Variants in TUT1 observed in about 807,000 individuals in gnomAD.
The protein encoded by TUT1 is speckle targeted PIP5K1A-regulated poly(A) polymerase.
Under a neutral mutation model 48.8 loss-of-function variants are expected in TUT1, and 26 were observed. That is an observed-to-expected ratio of 0.53 (90% CI 0.39 to 0.74). TUT1 has a LOEUF of 0.74. Ranked by LOEUF, TUT1 falls within the 30% of genes least tolerant of loss-of-function variation. The pLI is 0.00. For missense variants in TUT1, 1,065 were observed against 1,114.8 expected, an observed-to-expected ratio of 0.96 and a Z score of 0.64; for synonymous variants, 470 against 460.8, an observed-to-expected ratio of 1.02 and a Z score of -0.26.
In TUT1 at chr11:62,576,049, C is replaced by G. The variant is rs1302745310; in HGVS notation, c.1670G>C (p.Ser557Thr). Residue 557 changes from serine to threonine, a missense_variant, in exon 9 of 9, where the codon AGC (serine) becomes ACC (threonine). Coordinates refer to ENST00000476907, the MANE Select transcript of TUT1 (RefSeq NM_022830.3). ...LSHNVAANVT[S>T]RVAGRLQNCC... ...GTTCTGTAGGCGCCCAGCCACCCGG[C>G]TGGTCACATTGGCTGCGACATTGTG... 2 of 1,613,910 alleles carry G rather than the reference C, an allele frequency of 1.2e-6. No homozygotes were observed. The highest frequency in any genetic ancestry group is 4.5e-5 in the East Asian group (2 of 44,878).
chr11:62,575,178 C>T lies in TUT1; in HGVS notation c.2541G>A (p.Pro847=), dbSNP rs1941698647. 4 of 1,608,668 alleles carry T rather than the reference C, an allele frequency of 2.5e-6. No individual in the cohort carries two copies. Among genetic ancestry groups the T allele is most frequent in the African/African-American group, 1.3e-5 (1 of 74,800 alleles). The change falls in exon 9 of 9, where the codon CCG becomes CCA. Residue 847 remains proline, a synonymous_variant. Transcript: ENST00000476907. ...SPADRMLTVT[P]LQDPQGLFPD... ...GGAACAGGCCTTGGGGATCCTGGAG[C>T]GGGGTCACAGTGAGCATTCGGTCAG...
At chr11:62,583,119 C>T (rs1026540749) in intron 2 of TUT1, among the ~76,000 whole-genome samples, 5 of 132,100 alleles carry the variant, frequency 3.8e-5, no homozygotes, top group Non-Finnish European at 6.1e-5. Context: ...CAGTGGGAGA[C>T]TCTGTCTCCA....
chr11:62,581,030 G>T, intron 4 of TUT1, 76 bp downstream of exon 4: 3 of 1,102,916 alleles, frequency 2.7e-6, no homozygotes, highest in Non-Finnish European at 4.1e-6. Flanking sequence ...GACATGGAGA[G>T]CTAAAGGACT....
At chr11:62,584,768 AT>A (rs1415975535) in intron 2 of TUT1, among the ~76,000 whole-genome samples, 1 of 149,800 alleles carries the variant, frequency 6.7e-6, no homozygotes, top group Non-Finnish European at 1.5e-5. Context: ...TTGTTTGTTT[AT>A]TTTTTTACCC....
rs768704645 is a variant in TUT1, at chr11:62,575,400, T to C, written c.2319A>G (p.Arg773=). The C allele has an allele frequency of 3.1e-6, 5 of 1,612,172 alleles. No individual in the cohort carries two copies. The highest frequency in any genetic ancestry group is 4.2e-6 in the Non-Finnish European group (5 of 1,179,988). The change falls in exon 9 of 9, where the codon CGA becomes CGG. Residue 773 remains arginine, a synonymous_variant. Transcript: ENST00000476907. ...SASWRCALWH[R]VWQGRRRARR... ...GGGCTCGCCGCCGCCCTTGCCACAC[T>C]CGGTGCCACAAGGCACAGCGCCAGC... is the stretch of plus-strand genomic sequence containing the variant.
In TUT1 at chr11:62,575,968, G is replaced by A. The variant is rs1565265027; in HGVS notation, c.1751C>T (p.Ser584Phe). Residue 584 changes from serine to phenylalanine, a missense_variant, in exon 9 of 9, where the codon TCC (serine) becomes TTC (phenylalanine). By Grantham distance (155) the Ser-to-Phe change is radical. Coordinates refer to ENST00000476907, the MANE Select transcript of TUT1 (RefSeq NM_022830.3). ...GAGCAGCCCCCAGTCCCGACCCCGG[G>A]AGGAACGGCGCTGGTACTGGAGGCT... The part of the protein sequence containing the change: ...CRSLQYQRRS[S>F]RGRDWGLLPL... 1 of 1,614,110 alleles carries A rather than the reference G, an allele frequency of 6.2e-7. No individual in the cohort carries two copies. The highest frequency in any genetic ancestry group is 8.5e-7 in the Non-Finnish European group (1 of 1,180,036).
intron 2 of TUT1, 147 bp from the exon 3 acceptor site, chr11:62,581,848 T>A: frequency 2.6e-6 from 2 of 758,184 alleles, no homozygotes; most frequent in Non-Finnish European, 3.8e-6. Flanking sequence ...GGGACATATC[T>A]AGAAAAGCAA....
chr11:62,576,853 G>GAAGA (rs1303846046), intron 7 of TUT1, 54 bp downstream of exon 7: 15 of 1,597,296 alleles, frequency 9.4e-6, no homozygotes, highest in Non-Finnish European at 1.3e-5. Context: ...TAAGTGTGAT[G>GAAGA]AAGAAGAGAG....
intron 1 of TUT1, among the ~76,000 whole-genome samples, chr11:62,590,506 G>A (rs1351723421): frequency 4.6e-5 from 7 of 152,130 alleles, no homozygotes; most frequent in Non-Finnish European, 8.8e-5. Flanking sequence ...GCGTGGTGGC[G>A]GGTGCCTGTA....
chr11:62,591,346 A>G (rs550836467), intron 1 of TUT1, 58 bp downstream of exon 1: 1 of 1,496,030 alleles, frequency 6.7e-7, no homozygotes, highest in African/African-American at 1.4e-5. Flanking sequence ...AACTTTCGCC[A>G]GGATCAAAAG....
At chr11:62,581,270 CAG>C (rs1371516904) in intron 3 of TUT1, 64 bp from the exon 4 acceptor site, 2 of 1,580,934 alleles carry the variant, frequency 1.3e-6, no homozygotes, top group East Asian at 2.2e-5. Context: ...AAGAACAAAA[CAG>C]AGCACAAAGA....
At position 62,581,573 on chromosome 11, in the gene TUT1, C is replaced by G. The variant is rs772189149; in HGVS notation, c.402G>C (p.Pro134=). Residue 134 remains proline (P), a synonymous_variant, in exon 3 of 9, where the codon CCG becomes CCC. Coordinates refer to ENST00000476907, the MANE Select transcript of TUT1 (RefSeq NM_022830.3). ...CCGCTCCTTTGGGGGATTTGGAGGCCGGGCTCTGGAACTCCTTCTGCTCCC... is the reference window on the plus strand; with the variant it reads ...CCGCTCCTTTGGGGGATTTGGAGGCGGGGCTCTGGAACTCCTTCTGCTCCC... ...RPREQKEFQS[P]ASKSPKGAAP... 3.1e-6 allele frequency: 5 copies of G among 1,610,932 alleles called. No individual in the cohort carries two copies. The Admixed American group carries it at 8.4e-5, about 27-fold the overall frequency.
At chr11:62,582,846 C>T (rs1941853364) in intron 2 of TUT1, among the ~76,000 whole-genome samples, 1 of 151,152 alleles carries the variant, frequency 6.6e-6, no homozygotes, top group Non-Finnish European at 1.5e-5. Flanking sequence ...TCAATTCATG[C>T]AGCTGGGTGC....
rs775815520 is a variant in TUT1, at chr11:62,576,058, T to C, written c.1661A>G (p.Asn554Ser). 8 of 1,613,736 alleles carry C rather than the reference T, an allele frequency of 5.0e-6. No individual in the cohort carries two copies. The highest frequency in any genetic ancestry group is 1.3e-5 in the African/African-American group (1 of 74,922). ...PFDLSHNVAANVTSRVAGRLQ... is the reference protein window; with the variant it reads ...PFDLSHNVAASVTSRVAGRLQ... ...GCGCCCAGCCACCCGGCTGGTCACA[T>C]TGGCTGCGACATTGTGACTCAGGTC... Residue 554 changes from asparagine to serine, a missense_variant, in exon 9 of 9, where the codon AAT (asparagine) becomes AGT (serine). Asn to Ser is a conservative substitution (Grantham distance 46). Coordinates refer to ENST00000476907, the MANE Select transcript of TUT1 (RefSeq NM_022830.3).
At chr11:62,582,211 A>G (rs1941838975) in intron 2 of TUT1, among the ~76,000 whole-genome samples, 1 of 151,872 alleles carries the variant, frequency 6.6e-6, no homozygotes, top group South Asian at 2.1e-4. Flanking sequence ...TCTAATTCCT[A>G]AACTCCTAAA....
At chr11:62,576,422 C>T (rs1242416603) in intron 8 of TUT1, 178 bp from the exon 9 acceptor site, 5 of 859,772 alleles carry the variant, frequency 5.8e-6, no homozygotes, top group African/African-American at 1.7e-5. Context: ...CTCTCCCTGC[C>T]CCCACATGAT....
chr11:62,585,941 A>T (rs1941907062), intron 2 of TUT1, among the ~76,000 whole-genome samples: 1 of 152,162 alleles, frequency 6.6e-6, no homozygotes, highest in Non-Finnish European at 1.5e-5. Context: ...CATCTCTACT[A>T]AAAATACAAA....
intron 2 of TUT1, among the ~76,000 whole-genome samples, chr11:62,587,858 CA>C (rs1225194450): frequency 1.3e-5 from 2 of 152,144 alleles, no homozygotes; most frequent in Non-Finnish European, 2.9e-5. Context: ...TTCAAGGGAC[CA>C]AAACCTACAG....
intron 2 of TUT1, among the ~76,000 whole-genome samples, chr11:62,582,993 T>A (rs1180115248): frequency 6.6e-6 from 1 of 151,420 alleles, no homozygotes; most frequent in Non-Finnish European, 1.5e-5. Context: ...CCAGGCGTGG[T>A]GGTGGGCGCC....
Sources: allele counts gnomAD v4.1 joint callset (sites outside exome capture counted in the v4.1 genomes callset), GRCh38; gene constraint gnomAD v4.1.1; transcripts MANE v1.5; gene names NCBI Gene and HGNC (gene_info 2026-07-23, HGNC 2026-07-21).